The following MYO1B variants were observed in gnomAD, a reference collection of about 807,000 sequenced individuals.
The protein encoded by MYO1B is unconventional myosin-Ib.
A neutral mutation model predicts 159.7 loss-of-function variants in MYO1B; 72 were observed. That is an observed-to-expected ratio of 0.45 (90% CI 0.37 to 0.55). The LOEUF (loss-of-function observed/expected upper bound fraction) is 0.55, where lower values mean the gene tolerates loss of function less well. MYO1B is among the 20% of genes least tolerant of loss of function. The probability of loss-of-function intolerance (pLI) is 0.00; values close to 1 mark genes in which losing one functional copy is unlikely to be tolerated. For synonymous variants in MYO1B, 468 were observed against 473.8 expected, an observed-to-expected ratio of 0.99 and a Z score of 0.16; for missense variants, 1,062 against 1,364.8, an observed-to-expected ratio of 0.78 and a Z score of 3.50.
intron 14 of MYO1B, among the ~76,000 whole-genome samples, chr2:191,382,848 A>AT (rs879594007): frequency 6.6e-6 from 1 of 152,104 alleles, no homozygotes; most frequent in Non-Finnish European, 1.5e-5. Flanking sequence ...TCTAAAATTA[A>AT]TTTTTTTCCT....
intron 27 of MYO1B, among the ~76,000 whole-genome samples, chr2:191,412,292 G>A (rs1206425631): frequency 6.6e-6 from 1 of 152,128 alleles, no homozygotes; most frequent in Non-Finnish European, 1.5e-5. Context: ...TTTTAAATTA[G>A]GGAATAACCT....
At chr2:191,306,200 C>T (rs1689641517) in intron 3 of MYO1B, among the ~76,000 whole-genome samples, 1 of 152,032 alleles carries the variant, frequency 6.6e-6, no homozygotes, top group East Asian at 1.9e-4. Context: ...CCAGGGAGTG[C>T]TTTATTGAGA....
In MYO1B at chr2:191,397,862, G is replaced by A. The variant is rs1696241918; in HGVS notation, c.2295+1365G>A. On this transcript the variant is annotated intron_variant, in intron 21 of 30. Transcript: ENST00000392318. The stretch of plus-strand genomic sequence containing the variant: ...CCCTCCCAGACGGGGCGGCTGGCCA[G>A]GCAGAGGGGCTCCTCACTTCCCAGT... Among the ~76,000 whole-genome samples the A allele has an allele frequency of 2.8e-5, 4 of 143,696 alleles. No individual in the cohort carries two copies. In the South Asian group the frequency reaches 6.8e-4, roughly 24 times the overall value. 94.3% of individuals were successfully genotyped at this position (143,696 alleles called of 152,430 possible).
At chr2:191,264,879 T>C (rs548323808) in intron 1 of MYO1B, among the ~76,000 whole-genome samples, 1 of 151,816 alleles carries the variant, frequency 6.6e-6, no homozygotes, top group Non-Finnish European at 1.5e-5. Flanking sequence ...CGTTGGAAGC[T>C]GGGACAAGAT....
chr2:191,251,789 A>G (rs1189848742), intron 1 of MYO1B, among the ~76,000 whole-genome samples: 1 of 152,208 alleles, frequency 6.6e-6, no homozygotes, highest in East Asian at 1.9e-4. Flanking sequence ...TCATTTGCCT[A>G]CTTAATTTTC....
At chr2:191,412,088 AAT>A (rs750313028) in intron 27 of MYO1B, among the ~76,000 whole-genome samples, 8 of 152,344 alleles carry the variant, frequency 5.3e-5, no homozygotes, top group Middle Eastern at 3.4e-3. Flanking sequence ...ACTGGGTTTA[AAT>A]ATTTTAAATT....
At chr2:191,321,318 A>C (rs1690696081) in intron 3 of MYO1B, among the ~76,000 whole-genome samples, 1 of 152,156 alleles carries the variant, frequency 6.6e-6, no homozygotes. Flanking sequence ...TGTTTCCATG[A>C]TTTATTTGCC....
chr2:191,287,380 A>T (rs1015917913), intron 2 of MYO1B, among the ~76,000 whole-genome samples: 1 of 152,136 alleles, frequency 6.6e-6, no homozygotes, highest in Non-Finnish European at 1.5e-5. Flanking sequence ...ATACAAAAAA[A>T]TTAGCTTGGC....
At chr2:191,382,069 CAG>C (rs1348796392) in intron 14 of MYO1B, among the ~76,000 whole-genome samples, 4 of 152,120 alleles carry the variant, frequency 2.6e-5, no homozygotes, top group South Asian at 2.1e-4. Context: ...GTAGTGTTTG[CAG>C]AGTCTTTTCA....
At chr2:191,283,661 C>T (rs1002325246) in intron 2 of MYO1B, among the ~76,000 whole-genome samples, 4 of 152,174 alleles carry the variant, frequency 2.6e-5, no homozygotes, top group Non-Finnish European at 5.9e-5. Context: ...TAACTGTCCA[C>T]GATCACACAG....
intron 7 of MYO1B, among the ~76,000 whole-genome samples, chr2:191,352,288 T>C (rs942656288): frequency 6.6e-6 from 1 of 152,242 alleles, no homozygotes; most frequent in African/African-American, 2.4e-5. Flanking sequence ...CCTTTAGTGC[T>C]TTCTTTTTAC....
chr2:191,400,258 A>T, intron 21 of MYO1B, 124 bp from the exon 22 acceptor site: 1 of 1,047,562 alleles, frequency 9.5e-7, no homozygotes, highest in Non-Finnish European at 1.5e-6. Context: ...CGCCTTCTTT[A>T]ACCTGTTGAT....
intron 13 of MYO1B, chr2:191,380,929 A>G (rs908333026): frequency 1.6e-5 from 3 of 191,150 alleles, no homozygotes; most frequent in African/African-American, 7.0e-5. Context: ...AGGCAGATGT[A>G]TATGAAACTA....
intron 4 of MYO1B, 143 bp downstream of exon 4, chr2:191,330,172 C>T (rs916129591): frequency 9.8e-6 from 6 of 611,736 alleles, no homozygotes; most frequent in Non-Finnish European, 1.7e-5. Context: ...TGGTTAGGAA[C>T]ACAGAATGTT....
chr2:191,369,819 G>T (rs979428629), intron 12 of MYO1B, among the ~76,000 whole-genome samples, 191 bp downstream of exon 12: 1 of 152,176 alleles, frequency 6.6e-6, no homozygotes, highest in African/African-American at 2.4e-5. Flanking sequence ...TGCCATGTGT[G>T]TTGCTTCTGA....
chr2:191,337,646 T>C (rs1691943688), intron 4 of MYO1B, among the ~76,000 whole-genome samples: 1 of 152,168 alleles, frequency 6.6e-6, no homozygotes, highest in Non-Finnish European at 1.5e-5. Flanking sequence ...TTCAAACATA[T>C]ATATATATAT....
chr2:191,266,477 C>T (rs1043487585), intron 1 of MYO1B, among the ~76,000 whole-genome samples: 1 of 152,154 alleles, frequency 6.6e-6, no homozygotes, highest in Non-Finnish European at 1.5e-5. Flanking sequence ...TAAACTATTG[C>T]TGCAAGCCTT....
chr2:191,298,261 T>G (rs1689102542), intron 3 of MYO1B, among the ~76,000 whole-genome samples: 1 of 152,256 alleles, frequency 6.6e-6, no homozygotes, highest in South Asian at 2.1e-4. Flanking sequence ...TTCTGATCAT[T>G]TTGTTTTCTT....
At chr2:191,300,566 A>T (rs979259102) in intron 3 of MYO1B, among the ~76,000 whole-genome samples, 3 of 147,874 alleles carry the variant, frequency 2.0e-5, no homozygotes, top group African/African-American at 7.5e-5. Flanking sequence ...CTGGTCTCGA[A>T]CTCCTGACCT....
Sources: allele counts gnomAD v4.1 joint callset (sites outside exome capture counted in the v4.1 genomes callset), GRCh38; gene constraint gnomAD v4.1.1; transcripts MANE v1.5; gene names NCBI Gene and HGNC (gene_info 2026-07-23, HGNC 2026-07-21).